KHDRBS2: variants seen among roughly 807,000 people sequenced by gnomAD.
KHDRBS2 encodes the protein KH RNA binding domain containing, signal transduction associated 2.
KHDRBS2 carries 26 observed loss-of-function variants against 44.3 expected under a neutral mutation model. The observed-to-expected ratio is 0.59, with a 90% CI of 0.43 to 0.81. The LOEUF (loss-of-function observed/expected upper bound fraction) is 0.81. Ranked by LOEUF, KHDRBS2 falls within the 40% of genes least tolerant of loss-of-function variation. KHDRBS2 has a pLI of 0.00. For synonymous variants in KHDRBS2, 194 were observed against 151.1 expected (o/e 1.28, Z -2.08); for missense variants, 476 against 433.1 (o/e 1.10, Z -0.88).
chr6:62,047,099 A>G (rs1787872209), intron 3 of KHDRBS2, among the ~76,000 whole-genome samples: 1 of 151,950 alleles, frequency 6.6e-6, no homozygotes, highest in Admixed American at 6.6e-5. Context: ...AAATATTTAA[A>G]CATTTCATTC....
At chr6:61,575,564 T>C in the KHDRBS2 span, among the ~76,000 whole-genome samples, 1 of 152,100 alleles carries the variant, frequency 6.6e-6, no homozygotes, top group African/African-American at 2.4e-5. Flanking sequence ...CTTAAAGAAC[T>C]AAAAGTAGAA....
chr6:61,681,244 T>C (rs1428851041), intron 8 of KHDRBS2, among the ~76,000 whole-genome samples, 184 bp from the exon 9 acceptor site: 2 of 151,948 alleles, frequency 1.3e-5, no homozygotes, highest in East Asian at 1.9e-4. Flanking sequence ...GTACTGTGTA[T>C]TTATTATGTG....
At chr6:62,241,666 T>A (rs527246779) in intron 1 of KHDRBS2, among the ~76,000 whole-genome samples, 1 of 149,178 alleles carries the variant, frequency 6.7e-6, no homozygotes, top group Non-Finnish European at 1.5e-5. Context: ...TAACTTTAAA[T>A]AAATTACTGA....
At chr6:62,271,076 A>G (rs1342896187) in intron 1 of KHDRBS2, among the ~76,000 whole-genome samples, 2 of 152,208 alleles carry the variant, frequency 1.3e-5, no homozygotes, top group Non-Finnish European at 2.9e-5. Context: ...CACACAAATT[A>G]TAATAAATGT....
the KHDRBS2 span, among the ~76,000 whole-genome samples, chr6:61,568,282 C>T: frequency 6.6e-6 from 1 of 152,152 alleles, no homozygotes. Flanking sequence ...GTGATGCCTT[C>T]CACTTCATTC....
chr6:62,108,105 A>C lies in KHDRBS2; in HGVS notation c.220-60111T>G, dbSNP rs1441399618. ...CAAAATGGACAAATGGGATCTAATT[A>C]AACTAAAGAGCTTCTGCACAGCAAA... is the stretch of plus-strand genomic sequence containing the variant. On this transcript the variant is annotated intron_variant, in intron 2 of 8. Transcript: ENST00000281156. Among the ~76,000 whole-genome samples the C allele has an allele frequency of 7.2e-5, 11 of 152,316 alleles. No individual in the cohort carries two copies. In the East Asian group the frequency reaches 1.7e-3, roughly 24 times the overall value.
At chr6:61,873,534 A>G (rs1185173417) in intron 6 of KHDRBS2, among the ~76,000 whole-genome samples, 2 of 151,988 alleles carry the variant, frequency 1.3e-5, no homozygotes, top group East Asian at 3.9e-4. Context: ...TCTGCCTAGA[A>G]GAACAATTTA....
At chr6:62,161,575 G>GA (rs888142577) in intron 2 of KHDRBS2, among the ~76,000 whole-genome samples, 1 of 35,658 alleles carries the variant, frequency 2.8e-5, no homozygotes, top group Non-Finnish European at 7.4e-5. Flanking sequence ...GGTATTTGCG[G>GA]GGGGGGGGGG....
intron 1 of KHDRBS2, among the ~76,000 whole-genome samples, chr6:62,199,408 A>T (rs1041460670): frequency 6.6e-6 from 1 of 152,218 alleles, no homozygotes; most frequent in African/African-American, 2.4e-5. Context: ...TACAAAATCA[A>T]TGTGCAAAAA....
the KHDRBS2 span, among the ~76,000 whole-genome samples, chr6:61,557,279 C>T: frequency 6.6e-6 from 1 of 152,106 alleles, no homozygotes; most frequent in African/African-American, 2.4e-5. Context: ...TATTATCTTA[C>T]ATTAATCACA....
intron 6 of KHDRBS2, among the ~76,000 whole-genome samples, chr6:61,788,028 G>T (rs1172553094): frequency 1.3e-5 from 2 of 151,562 alleles, no homozygotes; most frequent in African/African-American, 2.4e-5. Flanking sequence ...TAGTGAAATT[G>T]AATTCATACA....
chr6:61,999,521 T>A (rs2000197), intron 3 of KHDRBS2, among the ~76,000 whole-genome samples: 24,900 of 152,050 alleles, frequency 0.16, 2,543 homozygotes, highest in Admixed American at 0.27. Flanking sequence ...ATCCTTTGGA[T>A]GTGTTATGGC....
At chr6:61,667,865 T>C in the KHDRBS2 span, among the ~76,000 whole-genome samples, 2 of 151,166 alleles carry the variant, frequency 1.3e-5, no homozygotes, top group South Asian at 4.1e-4. Flanking sequence ...ATTATGTGGA[T>C]TCAATAAATC....
the KHDRBS2 span, among the ~76,000 whole-genome samples, chr6:61,597,732 TTATATATATATA>T: frequency 4.0e-3 from 151 of 37,428 alleles, 14 homozygotes; most frequent in South Asian, 0.09. Context: ...TTTGCACCTT[TTATATATATATA>T]TATATATATA....
At chr6:62,119,109 T>C (rs1182857905) in intron 2 of KHDRBS2, among the ~76,000 whole-genome samples, 3 of 152,154 alleles carry the variant, frequency 2.0e-5, no homozygotes, top group African/African-American at 7.2e-5. Context: ...GTTTTGGGGT[T>C]ACTGGAGTTG....
intron 2 of KHDRBS2, among the ~76,000 whole-genome samples, chr6:62,054,171 T>G (rs1789738470): frequency 1.3e-5 from 2 of 152,094 alleles, no homozygotes; most frequent in Admixed American, 1.3e-4. Flanking sequence ...AACTTATTAG[T>G]TGGTCCTAAA....
At chr6:62,197,637 C>G (rs553044849) in intron 1 of KHDRBS2, among the ~76,000 whole-genome samples, 44 of 151,988 alleles carry the variant, frequency 2.9e-4, no homozygotes, top group Non-Finnish European at 5.5e-4. Context: ...AGTCCACTAA[C>G]TTATAAATAT....
intron 4 of KHDRBS2, among the ~76,000 whole-genome samples, chr6:61,975,259 C>T (rs115098245): frequency 0.029 from 4,402 of 152,224 alleles, 85 homozygotes; most frequent in Non-Finnish European, 0.046. Context: ...TAATCCCTTT[C>T]GCAGAAGAAC....
chr6:61,606,183 C>T, the KHDRBS2 span, among the ~76,000 whole-genome samples: 10 of 152,264 alleles, frequency 6.6e-5, no homozygotes, highest in South Asian at 1.0e-3. Flanking sequence ...AGTCTCTTTT[C>T]GGACTCAGCC....
Sources: gnomAD v4.1 joint callset for allele counts (sites outside exome capture counted in the v4.1 genomes callset) on GRCh38, gnomAD v4.1.1 for gene constraint, MANE v1.5 for transcripts, NCBI Gene and HGNC (gene_info 2026-07-23, HGNC 2026-07-21) for gene names.